Variants in AQP1 observed in about 807,000 individuals in gnomAD.
AQP1 encodes the protein aquaporin 1 (Colton blood group).
AQP1 carries 11 observed loss-of-function variants against 19.7 expected under a neutral mutation model. The ratio of observed to expected loss-of-function variants is 0.56; its 90% confidence interval spans 0.35 to 0.92. AQP1 has a LOEUF of 0.92. Among genes scored for constraint, AQP1 ranks in the 40% least tolerant of loss-of-function variants. The probability of loss-of-function intolerance (pLI) is 0.01; values close to 1 mark genes in which losing one functional copy is unlikely to be tolerated. For missense variants in AQP1, 320 were observed against 369.7 expected (o/e 0.87, Z 1.10); for synonymous variants, 159 against 166.7 (o/e 0.95, Z 0.36).
In AQP1 at chr7:30,925,219, G is replaced by A. The variant is rs1024391118; in HGVS notation, c.*1590G>A. 4 of 152,234 alleles carry A rather than the reference G, an allele frequency of 2.6e-5. No homozygotes were observed. Among genetic ancestry groups the A allele is most frequent in the African/African-American group, 9.6e-5 (4 of 41,452 alleles). The allele number at this position is 152,234 out of a possible 1,614,324, so 9.4% of individuals were successfully genotyped here. A position where few individuals can be genotyped will look rare whatever the true frequency, so the allele number is the denominator to read the frequency against. ...ACAGATAAAGAAACTGAGGCCCACG[G>A]TTTCAGCTAGACAATGATTTGGCCA... On this transcript the variant is annotated 3_prime_UTR_variant, in exon 4 of 4. Transcript: ENST00000311813.
In AQP1 at chr7:30,912,839, C is replaced by T. The variant is rs1028483833; in HGVS notation, c.384+546C>T. Among the ~76,000 whole-genome samples the T allele has an allele frequency of 7.9e-5, 12 of 152,130 alleles. No homozygotes were observed. The highest frequency in any genetic ancestry group is 8.8e-5 in the Non-Finnish European group (6 of 68,020). On this transcript the variant is annotated intron_variant, in intron 1 of 3. Transcript: ENST00000311813. The surrounding 1 kb of genome is among the most constrained non-coding windows in gnomAD (Gnocchi z 4.3). ...AGAAAGGCCCTCTTCCACTCTTTTG[C>T]CCCTGAGATTAGACAAAGATAAGGG...
At chr7:30,918,699 T>G (rs1744857021) in intron 1 of AQP1, among the ~76,000 whole-genome samples, 1 of 152,208 alleles carries the variant, frequency 6.6e-6, no homozygotes, top group South Asian at 2.1e-4. Context: ...GAAGCCACCC[T>G]GGTTGGCCTG....
In AQP1 at chr7:30,923,897, A is replaced by T; in HGVS notation, c.*268A>T. 1 of 1,476,976 alleles carries T rather than the reference A, an allele frequency of 6.8e-7. No individual in the cohort carries two copies. The highest frequency in any genetic ancestry group is 1.2e-5 in the South Asian group (1 of 86,588). 91.5% of individuals were successfully genotyped at this position (1,476,976 alleles called of 1,614,324 possible). A position where few individuals can be genotyped will look rare whatever the true frequency, so the allele number is the denominator to read the frequency against. ...GTTGTGGAGGAGGTGAAAGAAAGGG[A>T]CCCACCTGCTAGTCGCCCCTCAGAG... On this transcript the variant is annotated 3_prime_UTR_variant, in exon 4 of 4. Transcript: ENST00000311813. The surrounding 1 kb of genome is among the most constrained non-coding windows in gnomAD (Gnocchi z 4.8).
intron 1 of AQP1, among the ~76,000 whole-genome samples, chr7:30,915,535 A>G (rs910964232): frequency 6.6e-6 from 1 of 152,006 alleles, no homozygotes; most frequent in Non-Finnish European, 1.5e-5. Context: ...GGGTATGGTC[A>G]GGCTGGGGGT....
intron 1 of AQP1, among the ~76,000 whole-genome samples, chr7:30,914,098 G>A (rs1241739387): frequency 1.3e-5 from 2 of 152,190 alleles, no homozygotes; most frequent in Non-Finnish European, 2.9e-5. Context: ...GGGAGGGTGG[G>A]CCCCTTCTGT....
intron 1 of AQP1, among the ~76,000 whole-genome samples, chr7:30,920,466 C>T (rs1791471155): frequency 1.3e-5 from 2 of 152,184 alleles, no homozygotes; most frequent in African/African-American, 2.4e-5. Context: ...TCTGCCTGTC[C>T]CCAGATCCTG....
chr7:30,919,837 G>T (rs1211141191), intron 1 of AQP1, among the ~76,000 whole-genome samples: 1 of 152,178 alleles, frequency 6.6e-6, no homozygotes, highest in African/African-American at 2.4e-5. Context: ...GTATTAGATA[G>T]TTGAAGGAAG....
intron 1 of AQP1, among the ~76,000 whole-genome samples, chr7:30,920,994 C>T (rs1428415276): frequency 2.0e-5 from 3 of 152,320 alleles, no homozygotes; most frequent in East Asian, 1.9e-4. Flanking sequence ...GCCTTGGAGA[C>T]ACTCCCATAT....
Position 30,923,794 on chromosome 7 carries a change from C to CTT in AQP1, c.*166_*167insTT. On this transcript the variant is annotated 3_prime_UTR_variant, in exon 4 of 4. Transcript: ENST00000311813. The surrounding 1 kb of genome is among the most constrained non-coding windows in gnomAD (Gnocchi z 4.8). Reference sequence around the variant, plus strand: ...AAGCCTCTTATGGGGGTGTTTCTATCTCTTTCTTTCTCTTTCTGTTTCCTG... The same window carrying CTT: ...AAGCCTCTTATGGGGGTGTTTCTATCTTTCTTTCTTTCTCTTTCTGTTTCCTG... The CTT allele has an allele frequency of 6.6e-7, 1 of 1,509,494 alleles. No homozygotes were observed. The highest frequency in any genetic ancestry group is 8.9e-7 in the Non-Finnish European group (1 of 1,127,874). The allele number at this position is 1,509,494 out of a possible 1,614,324, so 93.5% of individuals were successfully genotyped here.
At position 30,921,483 on chromosome 7, in the gene AQP1, G is replaced by GGA. The variant is rs1267533513; in HGVS notation, c.385-573_385-572dup. On this transcript the variant is annotated intron_variant, in intron 1 of 3. Coordinates refer to ENST00000311813, the MANE Select transcript of AQP1 (RefSeq NM_198098.4). ...CCAAGGAAAGAGACGGGGTGGAGAA[G>GGA]GAGAGAGAGAGGGTGGAGACAATAG... The GGA allele has an allele frequency of 1.3e-5, 19 of 1,479,300 alleles. No individual in the cohort carries two copies. The East Asian group carries it at 3.0e-4, about 23-fold the overall frequency. 91.6% of individuals were successfully genotyped at this position (1,479,300 alleles called of 1,614,324 possible).
chr7:30,923,711 G>A lies in AQP1; in HGVS notation c.*82G>A. 1.3e-6 allele frequency: 2 copies of A among 1,510,706 alleles called. No homozygotes were observed. Among genetic ancestry groups the A allele is most frequent in the South Asian group, 1.3e-5 (1 of 76,592 alleles). The allele number at this position is 1,510,706 out of a possible 1,614,324, so 93.6% of individuals were successfully genotyped here. On this transcript the variant is annotated 3_prime_UTR_variant, in exon 4 of 4. Coordinates refer to ENST00000311813, the MANE Select transcript of AQP1 (RefSeq NM_198098.4). This position sits in a 1 kb window ranked among gnomAD's most constrained non-coding sequence, Gnocchi z 4.8. ...GGGGAGGGGTGAAATCCATACTGTA[G>A]ACACTCTGACAAGCTGGCCAAAGTC...
At chr7:30,914,895 A>G (rs929441192) in intron 1 of AQP1, among the ~76,000 whole-genome samples, 4 of 152,190 alleles carry the variant, frequency 2.6e-5, no homozygotes, top group African/African-American at 9.6e-5. Context: ...CCCTAGAGAG[A>G]CCGTGGGCCT....
At chr7:30,916,941 T>A (rs1351064001) in intron 1 of AQP1, among the ~76,000 whole-genome samples, 1 of 152,142 alleles carries the variant, frequency 6.6e-6, no homozygotes, top group Non-Finnish European at 1.5e-5. Flanking sequence ...TTCTGCAGCA[T>A]AGGCTTTGTG....
At chr7:30,921,577 G>A (rs946649179) in intron 1 of AQP1, 28 of 1,548,272 alleles carry the variant, frequency 1.8e-5, no homozygotes, top group Middle Eastern at 1.7e-4. Flanking sequence ...CCTCAGCCCT[G>A]GAATTTAGAT....
intron 1 of AQP1, among the ~76,000 whole-genome samples, chr7:30,916,988 GA>G (rs1418051700): frequency 1.3e-5 from 2 of 152,180 alleles, no homozygotes; most frequent in Admixed American, 6.5e-5. Flanking sequence ...GCCTGCGGGG[GA>G]TCCTGTGCTT....
intron 1 of AQP1, among the ~76,000 whole-genome samples, chr7:30,917,364 G>A (rs115474075): frequency 1.3e-3 from 194 of 152,342 alleles, no homozygotes; most frequent in African/African-American, 4.6e-3. Context: ...TCCCTGCCCT[G>A]GAGTTAGGAA....
chr7:30,921,446 A>G, intron 1 of AQP1: 1 of 1,447,946 alleles, frequency 6.9e-7, no homozygotes, highest in Non-Finnish European at 9.1e-7. Context: ...GCAATGGGAG[A>G]CAGGCCTTGG....
chr7:30,921,047 T>C (rs1203163635), intron 1 of AQP1, among the ~76,000 whole-genome samples: 1 of 151,984 alleles, frequency 6.6e-6, no homozygotes, highest in Non-Finnish European at 1.5e-5. Flanking sequence ...AGCTGGGAAG[T>C]GTTTGGGTGC....
In AQP1 at chr7:30,923,412, T is replaced by C; in HGVS notation, c.631-38T>C. On this transcript the variant is annotated intron_variant, in intron 3 of 3. Transcript: ENST00000311813. This position sits in a 1 kb window ranked among gnomAD's most constrained non-coding sequence, Gnocchi z 4.8. Reference sequence around the variant, plus strand: ...CTAGGGAACGCTTCCCAGGGGCTTTTGAGTGGAGCCCTCTGAACACACCTG... The same window carrying C: ...CTAGGGAACGCTTCCCAGGGGCTTTCGAGTGGAGCCCTCTGAACACACCTG... The C allele has an allele frequency of 6.2e-7, 1 of 1,613,176 alleles. No individual in the cohort carries two copies. The highest frequency in any genetic ancestry group is 8.5e-7 in the Non-Finnish European group (1 of 1,179,780).
Sources: allele counts gnomAD v4.1 joint callset (sites outside exome capture counted in the v4.1 genomes callset), GRCh38; gene constraint gnomAD v4.1.1; non-coding constraint Gnocchi (gnomAD v3.1); transcripts MANE v1.5; gene names NCBI Gene and HGNC (gene_info 2026-07-23, HGNC 2026-07-21).